GLB1L3: variants seen among roughly 807,000 people sequenced by gnomAD.
GLB1L3 encodes the protein galactosidase beta 1 like 3, also known as beta-galactosidase-1-like protein 3.
A neutral mutation model predicts 89.5 loss-of-function variants in GLB1L3; 89 were observed. The observed-to-expected ratio is 0.99, with a 90% CI of 0.84 to 1.19. GLB1L3 has a LOEUF of 1.19. GLB1L3 is among the 50% of genes most tolerant of loss of function. GLB1L3 has a pLI of 0.00. For synonymous variants in GLB1L3, 314 were observed against 312.3 expected, an observed-to-expected ratio of 1.01 and a Z score of -0.06; for missense variants, 812 against 813.3, an observed-to-expected ratio of 1.00 and a Z score of 0.02.
Position 134,312,191 on chromosome 11 carries a change from A to G in GLB1L3, c.1288-158A>G, listed in dbSNP as rs1178160550. 4.2e-6 allele frequency: 3 copies of G among 717,264 alleles called. No individual in the cohort carries two copies. In the African/African-American group the frequency reaches 5.3e-5, roughly 13 times the overall value. The allele number at this position is 717,264 out of a possible 1,614,324, so 44.4% of individuals were successfully genotyped here. On this transcript the variant is annotated intron_variant, in intron 13 of 19. Transcript: ENST00000431683. ...TGAGTTTCCTTCCTGGGCAGTGGAG[A>G]CGTAAGCACAGAGCAGTGTCACATG...
rs1034218802 is a variant in GLB1L3 at position 134,309,773 on chromosome 11, G to A, written c.1099+10G>A. ...ATTGTCACCAGCTATGGCAAGTGTC[G>A]CTGGTGTAGTAGCCTCTCCAGCATG... is the stretch of plus-strand genomic sequence containing the variant. On this transcript the variant is annotated intron_variant, in intron 11 of 19. Coordinates refer to ENST00000431683, the MANE Select transcript of GLB1L3 (RefSeq NM_001080407.3). The A allele has an allele frequency of 9.9e-6, 16 of 1,611,818 alleles. No homozygotes were observed. The highest frequency in any genetic ancestry group is 1.3e-5 in the African/African-American group (1 of 74,872).
chr11:134,300,289 G>A (rs1290099101), intron 9 of GLB1L3, among the ~76,000 whole-genome samples: 3 of 150,906 alleles, frequency 2.0e-5, no homozygotes, highest in Admixed American at 2.0e-4. Context: ...CTTCTTATAA[G>A]GACACCAGAC....
rs575783571 is a variant in GLB1L3 at position 134,282,253 on chromosome 11, CG to C, written c.527+134del. The C allele has an allele frequency of 3.8e-4, 417 of 1,111,656 alleles. 3 individuals are homozygous for C. The African/African-American group carries it at 5.2e-3, about 14-fold the overall frequency. The allele number at this position is 1,111,656 out of a possible 1,614,324, so 68.9% of individuals were successfully genotyped here. A position where few individuals can be genotyped will look rare whatever the true frequency, so the allele number is the denominator to read the frequency against. The stretch of plus-strand genomic sequence containing the variant: ...ATGGGAGGTGTGCTGCCCCACGCCA[CG>C]CACCGTGCCTGTGTTGTCTTGTGGG... On this transcript the variant is annotated intron_variant, in intron 5 of 19. Transcript: ENST00000431683.
chr11:134,312,178 C>G, intron 13 of GLB1L3, 171 bp from the exon 14 acceptor site: 1 of 659,616 alleles, frequency 1.5e-6, no homozygotes. Context: ...AGTTTCCTTC[C>G]TGGGCAGTGG....
intron 7 of GLB1L3, among the ~76,000 whole-genome samples, chr11:134,290,458 A>T (rs977668986): frequency 3.5e-4 from 53 of 151,880 alleles, no homozygotes; most frequent in African/African-American, 8.9e-4. Flanking sequence ...CTGTAATCCC[A>T]GCTACTCAGG....
chr11:134,305,268 G>A lies in GLB1L3; in HGVS notation c.877-1856G>A. ...AAGTGCATTCCCTTCACCAGCTTGTGCACCCTATTCTGTAACTGATAATAA... is the reference window on the plus strand; with the variant it reads ...AAGTGCATTCCCTTCACCAGCTTGTACACCCTATTCTGTAACTGATAATAA... On this transcript the variant is annotated intron_variant, in intron 9 of 19. Transcript: ENST00000431683. The A allele has an allele frequency of 4.2e-6, 3 of 708,588 alleles. No homozygotes were observed. In the South Asian group the frequency reaches 4.6e-5, roughly 11 times the overall value. The allele number at this position is 708,588 out of a possible 1,614,324, so 43.9% of individuals were successfully genotyped here.
At chr11:134,310,122 T>G in intron 11 of GLB1L3, 1 of 390,120 alleles carries the variant, frequency 2.6e-6, no homozygotes, top group Non-Finnish European at 4.6e-6. Flanking sequence ...GTTGAAGGGG[T>G]GTCCACTCTT....
At chr11:134,283,925 C>A in intron 6 of GLB1L3, 80 bp downstream of exon 6, 1 of 784,276 alleles carries the variant, frequency 1.3e-6, no homozygotes, top group Non-Finnish European at 2.2e-6. Flanking sequence ...ACTGAAGAGG[C>A]CACATGCAGT....
chr11:134,276,303 T>G (rs139848733), upstream of GLB1L3: 1,745 of 162,630 alleles, frequency 0.011, 25 homozygotes, highest in African/African-American at 0.039. Flanking sequence ...GCACGCCGTT[T>G]CCAGTCGCGC....
At position 134,313,491 on chromosome 11, in the gene GLB1L3, G is replaced by C; in HGVS notation, c.1579+17G>C. 1.3e-6 allele frequency: 2 copies of C among 1,561,124 alleles called. No homozygotes were observed. Among genetic ancestry groups the C allele is most frequent in the Non-Finnish European group, 1.7e-6 (2 of 1,151,498 alleles). On this transcript the variant is annotated intron_variant, in intron 16 of 19. Transcript: ENST00000431683. ...AGCAGAAAGGTGGGCTCTGGCTGTG[G>C]CTTCTCCTCAGTTGCTCAGAACCGA...
intron 3 of GLB1L3, among the ~76,000 whole-genome samples, chr11:134,280,779 A>G (rs1274124136): frequency 1.3e-5 from 2 of 152,212 alleles, no homozygotes; most frequent in African/African-American, 4.8e-5. Flanking sequence ...AATAAAAACC[A>G]CAGGGCTTAT....
rs1364808625 is a variant in GLB1L3 at position 134,282,218 on chromosome 11, C to T, written c.527+98C>T. 7.9e-6 allele frequency: 11 copies of T among 1,385,444 alleles called. No individual in the cohort carries two copies. In the Admixed American group the frequency reaches 2.8e-4, roughly 36 times the overall value. 85.8% of individuals were successfully genotyped at this position (1,385,444 alleles called of 1,614,324 possible). A position where few individuals can be genotyped will look rare whatever the true frequency, so the allele number is the denominator to read the frequency against. On this transcript the variant is annotated intron_variant, in intron 5 of 19. Coordinates refer to ENST00000431683, the MANE Select transcript of GLB1L3 (RefSeq NM_001080407.3). ...AGTAACAAGGAAAGTAACCTTTATT[C>T]ACGGAGCCGATGGGAGGTGTGCTGC...
chr11:134,290,733 C>A (rs1371099161), intron 7 of GLB1L3, among the ~76,000 whole-genome samples: 1 of 152,112 alleles, frequency 6.6e-6, no homozygotes, highest in Non-Finnish European at 1.5e-5. Flanking sequence ...ATGTCCCCAT[C>A]CCTGCAGCCA....
intron 9 of GLB1L3, among the ~76,000 whole-genome samples, chr11:134,294,803 T>C (rs1205356116): frequency 6.6e-6 from 1 of 152,220 alleles, no homozygotes; most frequent in Non-Finnish European, 1.5e-5. Context: ...TTATGCATGT[T>C]GTAGCAGGAC....
intron 12 of GLB1L3, 146 bp downstream of exon 12, chr11:134,310,797 T>C (rs1023295672): frequency 5.4e-5 from 36 of 661,382 alleles, no homozygotes; most frequent in African/African-American, 5.3e-4. Context: ...CTTCGAACCC[T>C]GGGGTTAAAA....
chr11:134,301,512 T>C (rs1043743083), intron 9 of GLB1L3, among the ~76,000 whole-genome samples: 2 of 152,210 alleles, frequency 1.3e-5, no homozygotes, highest in African/African-American at 4.8e-5. Context: ...GATTCGTTTT[T>C]ACTCTGTCTT....
rs539628005 is a variant in GLB1L3, at chr11:134,276,499, G to A, written c.-242G>A. The A allele has an allele frequency of 3.7e-5, 14 of 376,160 alleles. No homozygotes were observed. In the South Asian group the frequency reaches 5.2e-4, roughly 14 times the overall value. The allele number at this position is 376,160 out of a possible 1,614,324, so 23.3% of individuals were successfully genotyped here. A position where few individuals can be genotyped will look rare whatever the true frequency, so the allele number is the denominator to read the frequency against. ...GCGTCCGCGCCCGGACGCACTGCGG[G>A]AACACCTGGAGCGCCGGCGGAGCTC... On this transcript the variant is annotated 5_prime_UTR_variant, in exon 1 of 20. Coordinates refer to ENST00000431683, the MANE Select transcript of GLB1L3 (RefSeq NM_001080407.3).
chr11:134,278,715 C>T (rs1409179825), intron 3 of GLB1L3, among the ~76,000 whole-genome samples: 2 of 152,136 alleles, frequency 1.3e-5, no homozygotes, highest in African/African-American at 4.8e-5. Context: ...CTTAGAGGGC[C>T]CTGTGCCTTA....
At chr11:134,307,723 T>G (rs977283104) in intron 10 of GLB1L3, among the ~76,000 whole-genome samples, 2 of 152,212 alleles carry the variant, frequency 1.3e-5, no homozygotes, top group African/African-American at 4.8e-5. Context: ...CAGGTTTTAA[T>G]CTCAGCTCTG....
Sources: gnomAD v4.1 joint callset for allele counts (sites outside exome capture counted in the v4.1 genomes callset) on GRCh38, gnomAD v4.1.1 for gene constraint, MANE v1.5 for transcripts, NCBI Gene and HGNC (gene_info 2026-07-23, HGNC 2026-07-21) for gene names.